SLC22A2: variants seen among roughly 807,000 people sequenced by gnomAD.
SLC22A2 encodes organic cation transporter 2.
A neutral mutation model predicts 60.5 loss-of-function variants in SLC22A2; 46 were observed. The ratio of observed to expected loss-of-function variants is 0.76; its 90% CI spans 0.60 to 0.97. SLC22A2 has a LOEUF of 0.97. Among genes scored for constraint, SLC22A2 ranks in the 50% least tolerant of loss-of-function variants. The probability of loss-of-function intolerance (pLI) is 0.00; values close to 1 mark genes in which losing one functional copy is unlikely to be tolerated. For synonymous variants in SLC22A2, 303 were observed against 267.0 expected (o/e 1.13, Z -1.31); for missense variants, 701 against 706.6 (o/e 0.99, Z 0.09).
intron 3 of SLC22A2, 136 bp from the exon 4 acceptor site, chr6:160,249,520 TTAAG>T (rs1783150774): frequency 8.6e-6 from 6 of 694,668 alleles, no homozygotes; most frequent in Non-Finnish European, 1.5e-5. Context: ...CTGAATATTT[TTAAG>T]TGTTTTTTGG....
intron 9 of SLC22A2, among the ~76,000 whole-genome samples, chr6:160,232,009 G>T (rs1475200410): frequency 6.6e-6 from 1 of 151,872 alleles, no homozygotes; most frequent in Non-Finnish European, 1.5e-5. Context: ...CTGTGTTAAT[G>T]CTTTTAGAGG....
Position 160,250,552 on chromosome 6 carries a change from G to T in SLC22A2, c.669C>A (p.Ile223=), listed in dbSNP as rs8177510. ...VSKAGWLIGY[I]LITEFVGRRY... ...TGCAAGCACAAACATTCTTACTCAG[G>T]ATGTAGCCTATTAACCAGCCTGCTT... The change falls in exon 3 of 11, where the codon ATC becomes ATA. Residue 223 remains isoleucine (I), a synonymous_variant. Coordinates refer to ENST00000366953, the MANE Select transcript of SLC22A2 (RefSeq NM_003058.4). 17 of 1,613,808 alleles carry T rather than the reference G, an allele frequency of 1.1e-5. No homozygotes were observed. The highest frequency in any genetic ancestry group is 1.4e-5 in the Non-Finnish European group (17 of 1,179,874).
At chr6:160,258,269 GCCTT>G in intron 1 of SLC22A2, 71 bp downstream of exon 1, 1 of 1,487,776 alleles carries the variant, frequency 6.7e-7, no homozygotes, top group Non-Finnish European at 9.0e-7. Context: ...TAAGAGCCGG[GCCTT>G]CCCTGCTTGC....
chr6:160,255,660 T>C lies in SLC22A2; in HGVS notation c.518+954A>G, dbSNP rs114268900. On this transcript the variant is annotated intron_variant, in intron 2 of 10. Coordinates refer to ENST00000366953, the MANE Select transcript of SLC22A2 (RefSeq NM_003058.4). ...AGTTATGTATCACTATCTCACTAGG[T>C]GATTGCTGATTAAGGGGAATACTAT... Among the ~76,000 whole-genome samples the C allele has an allele frequency of 8.3e-3, 1,257 of 152,294 alleles. 10 individuals carry two copies. The highest frequency in any genetic ancestry group is 0.029 in the African/African-American group (1,194 of 41,558).
intron 9 of SLC22A2, among the ~76,000 whole-genome samples, chr6:160,233,330 C>CG (rs1220963431): frequency 3.9e-5 from 6 of 151,934 alleles, no homozygotes; most frequent in African/African-American, 1.5e-4. Flanking sequence ...AGTCTGATAA[C>CG]GGACCAGCCT....
chr6:160,239,663 G>T (rs1460714087), intron 9 of SLC22A2, among the ~76,000 whole-genome samples: 4 of 152,118 alleles, frequency 2.6e-5, no homozygotes, highest in Non-Finnish European at 4.4e-5. Context: ...ACCTCCTCAT[G>T]ATGAAAAGAG....
At chr6:160,234,603 G>A (rs1329552151) in intron 9 of SLC22A2, among the ~76,000 whole-genome samples, 1 of 152,152 alleles carries the variant, frequency 6.6e-6, no homozygotes, top group East Asian at 1.9e-4. Context: ...ACCACATGTT[G>A]AAAAATGTCC....
intron 2 of SLC22A2, among the ~76,000 whole-genome samples, chr6:160,253,290 T>C (rs1379546964): frequency 6.6e-6 from 1 of 152,244 alleles, no homozygotes; most frequent in East Asian, 1.9e-4. Context: ...TTTGATTATA[T>C]GCAACCCACG....
At chr6:160,228,484 A>C (rs1441482152) in intron 9 of SLC22A2, among the ~76,000 whole-genome samples, 2 of 152,196 alleles carry the variant, frequency 1.3e-5, no homozygotes, top group Admixed American at 1.3e-4. Flanking sequence ...CCTAAGACTG[A>C]GGGGATTAGA....
chr6:160,241,915 T>C (rs1021639316), intron 8 of SLC22A2, among the ~76,000 whole-genome samples: 2 of 148,064 alleles, frequency 1.4e-5, no homozygotes, highest in Admixed American at 7.0e-5. Context: ...ATTCATATTC[T>C]GTCATTCTTG....
rs543380141 is a variant in SLC22A2 at position 160,234,534 on chromosome 6, C to T, written c.1501+6940G>A. Among the ~76,000 whole-genome samples the T allele has an allele frequency of 2.6e-5, 4 of 152,286 alleles. No homozygotes were observed. The East Asian group carries it at 5.8e-4, about 22-fold the overall frequency. ...ATGCTTTTCTCCCTTTCTCTCCTTTCTCTTTTCTATTTTTTCTGTTACTCA... is the reference window on the plus strand; with the variant it reads ...ATGCTTTTCTCCCTTTCTCTCCTTTTTCTTTTCTATTTTTTCTGTTACTCA... On this transcript the variant is annotated intron_variant, in intron 9 of 10. Transcript: ENST00000366953.
intron 1 of SLC22A2, among the ~76,000 whole-genome samples, chr6:160,257,547 CTGCCACAT>C (rs2114874374): frequency 6.6e-6 from 1 of 152,234 alleles, no homozygotes; most frequent in South Asian, 2.1e-4. Context: ...AGCCCATGAG[CTGCCACAT>C]TTCCTGTAAA....
chr6:160,221,275 C>T (rs1309666651), intron 10 of SLC22A2, among the ~76,000 whole-genome samples: 4 of 152,318 alleles, frequency 2.6e-5, no homozygotes, highest in Non-Finnish European at 2.9e-5. Flanking sequence ...TTACTAACTT[C>T]GAATTTTTCT....
rs1417609920 is a variant in SLC22A2 at position 160,243,552 on chromosome 6, C to T, written c.1279+20G>A. The T allele has an allele frequency of 1.9e-6, 3 of 1,577,202 alleles. No homozygotes were observed. Among genetic ancestry groups the T allele is most frequent in the South Asian group, 2.2e-5 (2 of 90,126 alleles). ...CTCCAGGGTCTTGGAGATAAGACTCCAACTTCACCTGAAACTTACCACCAG... is the reference window on the plus strand; with the variant it reads ...CTCCAGGGTCTTGGAGATAAGACTCTAACTTCACCTGAAACTTACCACCAG... On this transcript the variant is annotated intron_variant, in intron 7 of 10. Transcript: ENST00000366953.
At chr6:160,218,402 G>A (rs1782576535) in intron 10 of SLC22A2, 1 of 296,238 alleles carries the variant, frequency 3.4e-6, no homozygotes, top group East Asian at 9.9e-5. Context: ...AGCAATAGTA[G>A]CAACAGCAGC....
At chr6:160,253,909 CAAT>C (rs1783227024) in intron 2 of SLC22A2, among the ~76,000 whole-genome samples, 1 of 152,220 alleles carries the variant, frequency 6.6e-6, no homozygotes, top group African/African-American at 2.4e-5. Flanking sequence ...CCAGAGCAAT[CAAT>C]AAACACTACA....
intron 9 of SLC22A2, among the ~76,000 whole-genome samples, chr6:160,227,364 AG>A (rs1782740676): frequency 6.6e-6 from 1 of 152,202 alleles, no homozygotes; most frequent in South Asian, 2.1e-4. Context: ...AACTCTTTCA[AG>A]CAATTGCCAA....
rs767629237 is a variant in SLC22A2, at chr6:160,258,533, C to T, written c.225G>A (p.Val75=). 1.3e-5 allele frequency: 21 copies of T among 1,614,074 alleles called. No individual in the cohort carries two copies. Among genetic ancestry groups the T allele is most frequent in the Non-Finnish European group, 1.7e-6 (2 of 1,179,982 alleles). The part of the protein sequence containing the change: ...WSPAEELNYT[V]PGPGPAGEAS... ...CTTCGCCCGCAGGTCCTGGGCCCGG[C>T]ACCGTGTAGTTCAGTTCCTCTGCAG... Residue 75 remains valine (V), a synonymous_variant, in exon 1 of 11, where the codon GTG becomes GTA. Coordinates refer to ENST00000366953, the MANE Select transcript of SLC22A2 (RefSeq NM_003058.4).
chr6:160,257,414 G>A (rs975575452), intron 1 of SLC22A2, among the ~76,000 whole-genome samples: 1 of 152,120 alleles, frequency 6.6e-6, no homozygotes, highest in Non-Finnish European at 1.5e-5. Flanking sequence ...GGCTAACCCT[G>A]CTAAGTTATT....
Sources: allele counts gnomAD v4.1 joint callset (sites outside exome capture counted in the v4.1 genomes callset), GRCh38; gene constraint gnomAD v4.1.1; transcripts MANE v1.5; gene names NCBI Gene and HGNC (gene_info 2026-07-23, HGNC 2026-07-21).